The following USP8 variants were observed in gnomAD, a reference collection of about 807,000 sequenced individuals.
USP8 encodes the protein ubiquitin carboxyl-terminal hydrolase 8.
Under a neutral mutation model 130.0 loss-of-function variants are expected in USP8, and 27 were observed. That is an observed-to-expected ratio of 0.21 (90% CI 0.15 to 0.29). The LOEUF is 0.29. USP8 is among the 10% of genes least tolerant of loss of function. The pLI is 1.00. For synonymous variants in USP8, 392 were observed against 444.1 expected, an observed-to-expected ratio of 0.88 and a Z score of 1.48; for missense variants, 1,029 against 1,312.2, an observed-to-expected ratio of 0.78 and a Z score of 3.33.
At chr15:50,459,305 T>A (rs2050900854) in intron 5 of USP8, 143 bp downstream of exon 5, 1 of 1,209,882 alleles carries the variant, frequency 8.3e-7, no homozygotes, top group Non-Finnish European at 1.1e-6. Flanking sequence ...TATTTAAGGC[T>A]GGGCACGGTG....
At chr15:50,496,230 C>G in intron 17 of USP8, 146 bp downstream of exon 17, 1 of 646,488 alleles carries the variant, frequency 1.5e-6, no homozygotes, top group Non-Finnish European at 2.6e-6. Flanking sequence ...CCTTGTACTC[C>G]CAGCACTTTG....
chr15:50,502,963 C>T lies in USP8; in HGVS notation c.*3875C>T, dbSNP rs1319849642. 1.3e-5 allele frequency: 2 copies of T among 152,238 alleles called. No individual in the cohort carries two copies. The highest frequency in any genetic ancestry group is 4.8e-5 in the African/African-American group (2 of 41,458). 9.4% of individuals were successfully genotyped at this position (152,238 alleles called of 1,614,324 possible). On this transcript the variant is annotated 3_prime_UTR_variant, in exon 20 of 20. Transcript: ENST00000307179. ...ATCTCATGTATTGAGGGCTAGTACA[C>T]AGGAGTTATTTATTCAATATTCCCT...
At chr15:50,493,475 G>A (rs746916982) in intron 15 of USP8, 1 of 519,000 alleles carries the variant, frequency 1.9e-6, no homozygotes, top group African/African-American at 1.9e-5. Flanking sequence ...AATGAAGGCT[G>A]GGCATGGTGG....
chr15:50,467,848 C>T (rs776323899), intron 7 of USP8, among the ~76,000 whole-genome samples: 3 of 151,646 alleles, frequency 2.0e-5, no homozygotes, highest in Non-Finnish European at 4.4e-5. Context: ...TGAGCCATTG[C>T]ACCCGGCCTA....
In USP8 at chr15:50,500,534, C is replaced by T; in HGVS notation, c.*1446C>T. 4.5e-6 allele frequency: 2 copies of T among 443,994 alleles called. No individual in the cohort carries two copies. The highest frequency in any genetic ancestry group is 5.5e-5 in the South Asian group (2 of 36,080). 27.5% of individuals were successfully genotyped at this position (443,994 alleles called of 1,614,324 possible). On this transcript the variant is annotated 3_prime_UTR_variant, in exon 20 of 20. Transcript: ENST00000307179. Reference sequence around the variant, plus strand: ...GATGAAAGGTTGTATAACATGCCCACAAGGCATAAAAATGTTAATGATGCA... The same window carrying T: ...GATGAAAGGTTGTATAACATGCCCATAAGGCATAAAAATGTTAATGATGCA...
chr15:50,437,892 T>G (rs532236279), intron 1 of USP8, among the ~76,000 whole-genome samples: 2 of 152,336 alleles, frequency 1.3e-5, no homozygotes, highest in Non-Finnish European at 2.9e-5. Flanking sequence ...GTTTGTATAT[T>G]AGATCGTTGT....
chr15:50,478,812 T>A (rs563282819), intron 10 of USP8, among the ~76,000 whole-genome samples: 1 of 152,274 alleles, frequency 6.6e-6, no homozygotes, highest in African/African-American at 2.4e-5. Flanking sequence ...CCCAACACTT[T>A]AGGAGGCGGA....
chr15:50,442,741 T>A (rs1262031999), intron 3 of USP8, among the ~76,000 whole-genome samples: 1 of 152,034 alleles, frequency 6.6e-6, no homozygotes, highest in African/African-American at 2.4e-5. Context: ...GGCGATAGAC[T>A]CCATCTCAAA....
At chr15:50,486,938 G>T (rs548515373) in intron 12 of USP8, among the ~76,000 whole-genome samples, 1 of 152,158 alleles carries the variant, frequency 6.6e-6, no homozygotes, top group African/African-American at 2.4e-5. Context: ...TTCGAGACCA[G>T]CCTGGCCAAC....
intron 16 of USP8, among the ~76,000 whole-genome samples, chr15:50,495,482 T>C (rs981112563): frequency 3.8e-5 from 4 of 104,842 alleles, no homozygotes; most frequent in African/African-American, 1.3e-4. Context: ...TTAGTAGAGA[T>C]TGGAGGGGGG....
At chr15:50,474,842 C>T (rs1268279826) in intron 8 of USP8, among the ~76,000 whole-genome samples, 1 of 152,190 alleles carries the variant, frequency 6.6e-6, no homozygotes, top group Non-Finnish European at 1.5e-5. Context: ...GCCGCGGTGG[C>T]TCACACCTGT....
intron 15 of USP8, chr15:50,493,268 C>A: frequency 1.9e-6 from 1 of 514,888 alleles, no homozygotes; most frequent in Non-Finnish European, 3.8e-6. Context: ...ACATTGGCAA[C>A]ACCTGAATTT....
At chr15:50,445,695 C>T (rs1010832606) in intron 3 of USP8, among the ~76,000 whole-genome samples, 2 of 149,626 alleles carry the variant, frequency 1.3e-5, no homozygotes, top group Non-Finnish European at 3.0e-5. Flanking sequence ...ACTAAAAATA[C>T]GTAAAAAAAA....
At chr15:50,462,347 T>C (rs1223120488) in intron 6 of USP8, 25 bp downstream of exon 6, 3 of 1,578,480 alleles carry the variant, frequency 1.9e-6, no homozygotes, top group Non-Finnish European at 2.6e-6. Context: ...AAGGAGGAAG[T>C]TGTTTTAGGT....
chr15:50,477,082 A>G (rs2051592652), intron 9 of USP8, 89 bp downstream of exon 9: 1 of 1,517,892 alleles, frequency 6.6e-7, no homozygotes, highest in South Asian at 1.2e-5. Context: ...TTGTGTGTGT[A>G]TTTGTCCTAT....
chr15:50,437,243 T>G (rs1293695671), intron 1 of USP8, among the ~76,000 whole-genome samples: 3 of 152,188 alleles, frequency 2.0e-5, no homozygotes, highest in Non-Finnish European at 4.4e-5. Flanking sequence ...CTACCCAATT[T>G]GAGAACTAGA....
At chr15:50,491,242 A>G (rs934172304) in intron 14 of USP8, among the ~76,000 whole-genome samples, 9 of 152,110 alleles carry the variant, frequency 5.9e-5, no homozygotes, top group African/African-American at 2.2e-4. Context: ...TTTTTTTCCC[A>G]TTTATTATAC....
intron 3 of USP8, among the ~76,000 whole-genome samples, chr15:50,443,587 G>A (rs1301571801): frequency 2.0e-5 from 3 of 151,870 alleles, no homozygotes; most frequent in South Asian, 2.1e-4. Context: ...AGGTTCAAGC[G>A]GTTCTCCTGC....
Position 50,443,774 on chromosome 15 carries a change from G to A in USP8, c.249+2281G>A, listed in dbSNP as rs141399921. Among the ~76,000 whole-genome samples, 402 of 152,248 alleles carry A rather than the reference G, an allele frequency of 2.6e-3. 1 individual carries two copies. Among genetic ancestry groups the A allele is most frequent in the African/African-American group, 9.3e-3 (386 of 41,546 alleles). On this transcript the variant is annotated intron_variant, in intron 3 of 19. Transcript: ENST00000307179. Reference sequence around the variant, plus strand: ...TGGGATTCCAGGCTTGAGCCATCATGCCTGGCCAATTACTAGGTTTTAAAT... The same window carrying A: ...TGGGATTCCAGGCTTGAGCCATCATACCTGGCCAATTACTAGGTTTTAAAT...
Sources: gnomAD v4.1 joint callset for allele counts (sites outside exome capture counted in the v4.1 genomes callset) on GRCh38, gnomAD v4.1.1 for gene constraint, MANE v1.5 for transcripts, NCBI Gene and HGNC (gene_info 2026-07-23, HGNC 2026-07-21) for gene names.